ABCA2: variants seen among roughly 807,000 people sequenced by gnomAD.
ABCA2 encodes the protein ATP binding cassette subfamily A member 2.
In ABCA2, 84 loss-of-function variants were observed where a neutral mutation model predicts 262.8. The ratio of observed to expected loss-of-function variants is 0.32; its 90% CI spans 0.27 to 0.38. The LOEUF (loss-of-function observed/expected upper bound fraction) is 0.38. ABCA2 is among the 10% of genes least tolerant of loss of function. The pLI is 1.00. For synonymous variants in ABCA2, 1,696 were observed against 1,502.9 expected (o/e 1.13, Z -2.97); for missense variants, 2,662 against 3,405.9 (o/e 0.78, Z 5.44).
In ABCA2 at chr9:137,019,800, A is replaced by G. The variant is rs562736232; in HGVS notation, c.1426-494T>C. On this transcript the variant is annotated intron_variant, in intron 10 of 48. Coordinates refer to ENST00000341511, the MANE Select transcript of ABCA2 (RefSeq NM_001606.5). The surrounding 1 kb of genome is among the most constrained non-coding windows in gnomAD (Gnocchi z 4.4). ...GGGCAGCACGGCCTCCGGACCCCCA[A>G]CTGCCCAGCTGTGCCCACCAGCTCC... 1.1e-5 allele frequency: 2 copies of G among 190,200 alleles called. No individual in the cohort carries two copies. Among genetic ancestry groups the G allele is most frequent in the South Asian group, 8.6e-5 (1 of 11,584 alleles). 11.8% of individuals were successfully genotyped at this position (190,200 alleles called of 1,614,324 possible).
rs771891462 is a variant in ABCA2 at position 137,008,901 on chromosome 9, C to CG, written c.6931-34_6931-33insC. 1.0e-5 allele frequency: 15 copies of CG among 1,457,572 alleles called. No individual in the cohort carries two copies. The South Asian group carries it at 1.8e-4, about 17-fold the overall frequency. 90.3% of individuals were successfully genotyped at this position (1,457,572 alleles called of 1,614,324 possible). A position where few individuals can be genotyped will look rare whatever the true frequency, so the allele number is the denominator to read the frequency against. ...GGGGGAGGTCAGAGGCCTGGCAGCGCCCCCCCACCCCGTAGCGCCCCCTCC... is the reference window on the plus strand; with the variant it reads ...GGGGGAGGTCAGAGGCCTGGCAGCGCGCCCCCCACCCCGTAGCGCCCCCTCC... On this transcript the variant is annotated intron_variant, in intron 46 of 48. Coordinates refer to ENST00000341511, the MANE Select transcript of ABCA2 (RefSeq NM_001606.5).
In ABCA2 at chr9:137,009,541, C is replaced by T; in HGVS notation, c.6734G>A (p.Ser2245Asn). 6.2e-7 allele frequency: 1 copy of T among 1,612,728 alleles called. No homozygotes were observed. Among genetic ancestry groups the T allele is most frequent in the Non-Finnish European group, 8.5e-7 (1 of 1,179,904 alleles). ...AAAGAGGGGGTGGGGGCGCCCTCAC[C>T]TGTGTGATGTCAGCACCACTGAACG... The part of the protein sequence containing the change: ...TGRSVVLTSH[S>N]MEECEALCTR... The change falls in exon 44 of 49, where the codon AGC (serine) becomes AAC (asparagine). Residue 2245 changes from serine (S) to asparagine (N), a missense_variant and splice_region_variant. Physicochemically the swap from Ser to Asn is conservative, Grantham distance 46. Around this residue, in one of 12 missense-constraint regions of ABCA2, gnomAD observed 602 missense variants for 897.4 expected, o/e 0.67. Transcript: ENST00000341511.
Position 137,013,211 on chromosome 9 carries a change from AGCGAGCCGTTG to A in ABCA2, c.4647_4657del (p.Asn1550GlyfsTer47). The A allele has an allele frequency of 6.2e-7, 1 of 1,600,778 alleles. No individual in the cohort carries two copies. The highest frequency in any genetic ancestry group is 2.3e-5 in the East Asian group (1 of 44,276). On this transcript the variant is annotated frameshift_variant, in exon 30 of 49. Coordinates refer to ENST00000341511, the MANE Select transcript of ABCA2 (RefSeq NM_001606.5). LOFTEE classifies it high-confidence loss of function. ...GCTGCTCAGGTTCAACGTGGGCCCC[AGCGAGCCGTTG>A]GCGGGAGACTTGAGCACGCAGGTGG... is the stretch of plus-strand genomic sequence containing the variant.
At chr9:137,020,059 C>A (rs1247171427) in intron 10 of ABCA2, 3 of 481,084 alleles carry the variant, frequency 6.2e-6, no homozygotes, top group Non-Finnish European at 1.1e-5. Flanking sequence ...TCTGGACACA[C>A]CCCTCCTCCA....
Position 137,010,757 on chromosome 9 carries a change from A to G in ABCA2, c.6057-20T>C, listed in dbSNP as rs1266894188. On this transcript the variant is annotated intron_variant, in intron 39 of 48. Coordinates refer to ENST00000341511, the MANE Select transcript of ABCA2 (RefSeq NM_001606.5). Reference sequence around the variant, plus strand: ...ATGCGCCTTGGGGGACAGGGTGGACAGTGTCCAGCAGCTCGCCACCCCCAC... The same window carrying G: ...ATGCGCCTTGGGGGACAGGGTGGACGGTGTCCAGCAGCTCGCCACCCCCAC... The G allele has an allele frequency of 1.3e-6, 2 of 1,597,506 alleles. No homozygotes were observed. The highest frequency in any genetic ancestry group is 2.2e-5 in the East Asian group (1 of 44,522).
intron 2 of ABCA2, 117 bp from the exon 3 acceptor site, chr9:137,023,957 GCCACAGGCCAGCCCCGACCT>G: frequency 1.3e-6 from 2 of 1,501,396 alleles, no homozygotes; most frequent in South Asian, 1.2e-5. Flanking sequence ...ATCATTCGCG[GCCACAGGCCAGCCCCGACCT>G]CCACAGCCCA....
chr9:137,011,893 C>T lies in ABCA2; in HGVS notation c.5486G>A (p.Ser1829Asn). 1 of 1,611,752 alleles carries T rather than the reference C, an allele frequency of 6.2e-7. No homozygotes were observed. Among genetic ancestry groups the T allele is most frequent in the Non-Finnish European group, 8.5e-7 (1 of 1,179,472 alleles). The change falls in exon 35 of 49, where the codon AGC becomes AAC. Residue 1829 changes from serine (S) to asparagine (N), a missense_variant. This residue lies in a region of ABCA2 where 602 missense variants were observed against 897.4 expected (regional missense o/e 0.67). Coordinates refer to ENST00000341511, the MANE Select transcript of ABCA2 (RefSeq NM_001606.5). This position sits in a 1 kb window ranked among gnomAD's most constrained non-coding sequence, Gnocchi z 8.8. ...CCAGTAGATGATGGGGTTGCAGCCGCTGACAAACTGCAGGTGCTTGGCCTT... is the reference window on the plus strand; with the variant it reads ...CCAGTAGATGATGGGGTTGCAGCCGTTGACAAACTGCAGGTGCTTGGCCTT... ...STKAKHLQFV[S>N]GCNPIIYWLA...
Position 137,021,379 on chromosome 9 carries a change from GGCAGGGCCTCACCT to G in ABCA2, c.896_897+12del, listed in dbSNP as rs1234008468. 6.2e-7 allele frequency: 1 copy of G among 1,602,792 alleles called. No homozygotes were observed. The highest frequency in any genetic ancestry group is 2.2e-5 in the East Asian group (1 of 44,864). ...CAAGCAGCGCAGCGGGCAGTGGGCAGGCAGGGCCTCACCTGCTGGGAGACCTTGGCCACGTCCAG... is the reference window on the plus strand; with the variant it reads ...CAAGCAGCGCAGCGGGCAGTGGGCAGGCTGGGAGACCTTGGCCACGTCCAG... On this transcript the variant is annotated splice_donor_variant and splice_donor_5th_base_variant and coding_sequence_variant and intron_variant, in exon 8 of 49. Transcript: ENST00000341511. LOFTEE classifies it high-confidence loss of function. This position sits in a 1 kb window ranked among gnomAD's most constrained non-coding sequence, Gnocchi z 6.0.
At position 137,010,225 on chromosome 9, in the gene ABCA2, C is replaced by T. The variant is rs769101874; in HGVS notation, c.6321G>A (p.Thr2107=). ...TFKMLTGDES[T]TGGEAFVNGH... ...CATTGACGAAGGCCTCGCCCCCCGT[C>T]GTGCTCTCGTCGCCGGTCAGCATCT... The change falls in exon 41 of 49, where the codon ACG becomes ACA. Residue 2107 remains threonine, a synonymous_variant. Coordinates refer to ENST00000341511, the MANE Select transcript of ABCA2 (RefSeq NM_001606.5). The T allele has an allele frequency of 6.5e-5, 105 of 1,605,120 alleles. No individual in the cohort carries two copies. Among genetic ancestry groups the T allele is most frequent in the African/African-American group, 5.2e-4 (39 of 74,736 alleles).
rs759572676 is a variant in ABCA2, at chr9:137,020,461, T to G, written c.1300A>C (p.Met434Leu). 1 of 1,607,020 alleles carries G rather than the reference T, an allele frequency of 6.2e-7. No homozygotes were observed. Among genetic ancestry groups the G allele is most frequent in the Admixed American group, 1.7e-5 (1 of 59,834 alleles). ...IEPEALRRGN[M>L]SSLGFTSKEQ... is the part of the protein sequence containing the mutation. ...TTGCTCGTGAAGCCCAGGGAGCTCA[T>G]GTTGCCCCGCCGCAGCGCCTCGGGT... The change falls in exon 10 of 49, where the codon ATG becomes CTG. Residue 434 changes from methionine to leucine, a missense_variant. Met to Leu is a conservative substitution (Grantham distance 15, BLOSUM62 2). Transcript: ENST00000341511.
Position 137,013,206 on chromosome 9 carries a change from GC to G in ABCA2, c.4662del (p.Thr1556ArgfsTer2). 1 of 1,598,918 alleles carries G rather than the reference GC, an allele frequency of 6.3e-7. No homozygotes were observed. On this transcript the variant is annotated frameshift_variant, in exon 30 of 49. Coordinates refer to ENST00000341511, the MANE Select transcript of ABCA2 (RefSeq NM_001606.5). LOFTEE classifies it high-confidence loss of function. ...TCCCCGCTGCTCAGGTTCAACGTGG[GC>G]CCCAGCGAGCCGTTGGCGGGAGACT... is the stretch of plus-strand genomic sequence containing the variant. The part of the protein sequence containing the change: ...VLKSPANGSL[G>X]PTLNLSSGES...
chr9:137,008,296 C>T, intron 48 of ABCA2, 120 bp downstream of exon 48: 6 of 1,199,130 alleles, frequency 5.0e-6, no homozygotes, highest in Non-Finnish European at 7.2e-6. Context: ...GCCCCCTTGA[C>T]CTCTGGACAG....
Position 137,020,967 on chromosome 9 carries a change from T to G in ABCA2, c.992A>C (p.Gln331Pro). 1 of 1,552,588 alleles carries G rather than the reference T, an allele frequency of 6.4e-7. No homozygotes were observed. The highest frequency in any genetic ancestry group is 8.7e-7 in the Non-Finnish European group (1 of 1,148,376). The part of the protein sequence containing the change: ...QALLGDLLDA[Q>P]KVLQDVDVLS... ...GACATCCACATCCTGCAGAACCTTC[T>G]GGGCATCCAGCAGGTCCCCCAGAAG... is the stretch of plus-strand genomic sequence containing the variant. Residue 331 changes from glutamine (Q) to proline (P), a missense_variant, in exon 9 of 49, where the codon CAG (glutamine) becomes CCG (proline). Coordinates refer to ENST00000341511, the MANE Select transcript of ABCA2 (RefSeq NM_001606.5).
rs777122990 is a variant in ABCA2 at position 137,010,995 on chromosome 9, A to G, written c.6034T>C (p.Tyr2012His). Residue 2012 changes from tyrosine to histidine, a missense_variant, in exon 39 of 49, where the codon TAC (tyrosine) becomes CAC (histidine). Tyr to His is a moderately conservative substitution (Grantham distance 83). Coordinates refer to ENST00000341511, the MANE Select transcript of ABCA2 (RefSeq NM_001606.5). ...VGFLLTIMCQ[Y>H]NFLRRPQRMP... The stretch of plus-strand genomic sequence containing the variant: ...CACTGTGGCCGCCGCAGGAAGTTGT[A>G]CTGGCACATGATGGTCAGGAGGAAG... 20 of 1,542,560 alleles carry G rather than the reference A, an allele frequency of 1.3e-5. No individual in the cohort carries two copies. In the South Asian group the frequency reaches 2.2e-4, roughly 17 times the overall value.
At position 137,014,261 on chromosome 9, in the gene ABCA2, G is replaced by A. The variant is rs752882542; in HGVS notation, c.4147C>T (p.Arg1383Cys). 11 of 1,610,800 alleles carry A rather than the reference G, an allele frequency of 6.8e-6. No homozygotes were observed. Among genetic ancestry groups the A allele is most frequent in the East Asian group, 2.2e-5 (1 of 44,824 alleles). Residue 1383 changes from arginine (R) to cysteine (C), a missense_variant, in exon 27 of 49, where the codon CGT (arginine) becomes TGT (cysteine). By Grantham distance (180) the Arg-to-Cys change is radical. Coordinates refer to ENST00000341511, the MANE Select transcript of ABCA2 (RefSeq NM_001606.5). ...LQSASSVGSA[R>C]GDEGAGYTDV... ...GTGTAGCCAGCTCCCTCGTCGCCAC[G>A]GGCAGAGCCCACAGATGACGCCGAC...
At position 137,014,824 on chromosome 9, in the gene ABCA2, G is replaced by A. The variant is rs1233758812; in HGVS notation, c.3883-14C>T. ...GCGCTCCAGGTGCTGCAGGGGCGGT[G>A]GAGGGGGAGGCTGCGGCAGGGACGC... is the stretch of plus-strand genomic sequence containing the variant. On this transcript the variant is annotated splice_polypyrimidine_tract_variant and intron_variant, in intron 25 of 48. Transcript: ENST00000341511. The A allele has an allele frequency of 6.3e-7, 1 of 1,596,054 alleles. No individual in the cohort carries two copies. Among genetic ancestry groups the A allele is most frequent in the African/African-American group, 1.3e-5 (1 of 74,970 alleles).
chr9:137,021,596 A>C lies in ABCA2; in HGVS notation c.693T>G (p.Ala231=). ...AGGTGAGCTGCTCCAGGAGGGCAGG[A>C]GCCAGCAGCAGCTCCTGGGATGGGC... ...PLFRMEELLL[A]PALLEQLTCT... is the part of the protein sequence containing the mutation. Residue 231 remains alanine (A), a synonymous_variant, in exon 8 of 49, where the codon GCT becomes GCG. Coordinates refer to ENST00000341511, the MANE Select transcript of ABCA2 (RefSeq NM_001606.5). The surrounding 1 kb of genome is among the most constrained non-coding windows in gnomAD (Gnocchi z 6.0). The C allele has an allele frequency of 6.4e-7, 1 of 1,555,728 alleles. No individual in the cohort carries two copies. The highest frequency in any genetic ancestry group is 1.4e-5 in the African/African-American group (1 of 73,424).
Position 137,021,701 on chromosome 9 carries a change from C to T in ABCA2, c.679-91G>A, listed in dbSNP as rs1831459563. On this transcript the variant is annotated intron_variant, in intron 7 of 48. Coordinates refer to ENST00000341511, the MANE Select transcript of ABCA2 (RefSeq NM_001606.5). This position sits in a 1 kb window ranked among gnomAD's most constrained non-coding sequence, Gnocchi z 6.0. Reference sequence around the variant, plus strand: ...GGCCTCACCCTGCCCCACCCACTGGCTGGCTCTGGGGCTGCCTGGGTCCCA... The same window carrying T: ...GGCCTCACCCTGCCCCACCCACTGGTTGGCTCTGGGGCTGCCTGGGTCCCA... 4 of 1,412,326 alleles carry T rather than the reference C, an allele frequency of 2.8e-6. No homozygotes were observed. Among genetic ancestry groups the T allele is most frequent in the Admixed American group, 2.1e-5 (1 of 48,536 alleles). The allele number at this position is 1,412,326 out of a possible 1,614,324, so 87.5% of individuals were successfully genotyped here. A position where few individuals can be genotyped will look rare whatever the true frequency, so the allele number is the denominator to read the frequency against.
chr9:137,012,478 C>G lies in ABCA2; in HGVS notation c.5187+7G>C, dbSNP rs555898396. The G allele has an allele frequency of 1.2e-5, 19 of 1,611,162 alleles. No individual in the cohort carries two copies. The highest frequency in any genetic ancestry group is 1.7e-4 in the Middle Eastern group (1 of 6,060). On this transcript the variant is annotated splice_region_variant and intron_variant, in intron 32 of 48. Transcript: ENST00000341511. ...ACAGCGGGGCCCAGGCCCGCAGCCTCGCTCACCTGGGCAGCCCTGCGCACC... is the reference window on the plus strand; with the variant it reads ...ACAGCGGGGCCCAGGCCCGCAGCCTGGCTCACCTGGGCAGCCCTGCGCACC...
Sources: gnomAD v4.1 joint callset for allele counts on GRCh38, gnomAD v4.1.1 for gene constraint, gnomAD v4.1.1 regional missense constraint, Gnocchi (gnomAD v3.1) non-coding constraint, MANE v1.5 for transcripts, NCBI Gene and HGNC (gene_info 2026-07-23, HGNC 2026-07-21) for gene names.